Variants in CPLANE1 observed in about 807,000 individuals in gnomAD.
The protein encoded by CPLANE1 is ciliogenesis and planar polarity effector complex subunit 1, also known as ciliogenesis and planar polarity effector 1.
A neutral mutation model predicts 362.5 loss-of-function variants in CPLANE1; 263 were observed. The ratio of observed to expected loss-of-function variants is 0.73; its 90% CI spans 0.66 to 0.80. The LOEUF is 0.80. Ranked by LOEUF, CPLANE1 falls within the 30% of genes least tolerant of loss-of-function variation. The pLI is 0.00. For missense variants in CPLANE1, 3,461 were observed against 3,793.4 expected (o/e 0.91, Z 2.30); for synonymous variants, 1,212 against 1,302.6 (o/e 0.93, Z 1.50).
intron 48 of CPLANE1, 87 bp from the exon 49 acceptor site, chr5:37,121,871 G>T: frequency 4.5e-6 from 5 of 1,099,824 alleles, no homozygotes; most frequent in African/African-American, 1.6e-5. Context: ...AGATCACCTA[G>T]CATGTTCTGG....
rs148794044 is a variant in CPLANE1 at position 37,136,069 on chromosome 5, C to T, written c.8792+2651G>A. Reference sequence around the variant, plus strand: ...TCAAAACACAATCATGTCCTTCCAACAGTCCCCCACGGTCTTAACTCATTC... The same window carrying T: ...TCAAAACACAATCATGTCCTTCCAATAGTCCCCCACGGTCTTAACTCATTC... On this transcript the variant is annotated intron_variant, in intron 46 of 52. Coordinates refer to ENST00000651892, the MANE Select transcript of CPLANE1 (RefSeq NM_001384732.1). Among the ~76,000 whole-genome samples, 55 of 152,272 alleles carry T rather than the reference C, an allele frequency of 3.6e-4. No individual in the cohort carries two copies. In the East Asian group the frequency reaches 0.01, roughly 28 times the overall value.
intron 27 of CPLANE1, 57 bp from the exon 28 acceptor site, chr5:37,180,240 C>A: frequency 1.7e-6 from 2 of 1,166,376 alleles, no homozygotes; most frequent in Non-Finnish European, 2.3e-6. Flanking sequence ...AGAGCTAATT[C>A]AGTTTTGGGT....
Position 37,245,526 on chromosome 5 carries a change from GT to G in CPLANE1, c.289del (p.Thr97LeufsTer4). 6.6e-7 allele frequency: 1 copy of G among 1,506,436 alleles called. No individual in the cohort carries two copies. The highest frequency in any genetic ancestry group is 2.2e-5 in the Admixed American group (1 of 45,928). 93.3% of individuals were successfully genotyped at this position (1,506,436 alleles called of 1,614,324 possible). A position where few individuals can be genotyped will look rare whatever the true frequency, so the allele number is the denominator to read the frequency against. ...LWNKDQDCLK[T>X]IPITEKPKEM... ...CTTAGGCTTTTCAGTTATTGGTATAGTTTTCAAACAATCTTGATCTTTGTTC... is the reference window on the plus strand; with the variant it reads ...CTTAGGCTTTTCAGTTATTGGTATAGTTTCAAACAATCTTGATCTTTGTTC... On this transcript the variant is annotated frameshift_variant, in exon 4 of 53. Transcript: ENST00000651892.
chr5:37,243,856 C>CTT lies in CPLANE1; in HGVS notation c.570+517_570+518dup, dbSNP rs372677145. Among the ~76,000 whole-genome samples the CTT allele has an allele frequency of 6.5e-4, 93 of 142,058 alleles. 1 individual carries two copies. Among genetic ancestry groups the CTT allele is most frequent in the African/African-American group, 2.3e-3 (88 of 38,782 alleles). 93.2% of individuals were successfully genotyped at this position (142,058 alleles called of 152,430 possible). ...ACGTGTATATATATTATATATTATA[C>CTT]TTTTTTTTTTTGAGACAGAGTTTCA... On this transcript the variant is annotated intron_variant, in intron 5 of 52. Transcript: ENST00000651892.
rs866272007 is a variant in CPLANE1, at chr5:37,185,012, T to C, written c.4257A>G (p.Leu1419=). The C allele has an allele frequency of 6.2e-7, 1 of 1,614,122 alleles. No homozygotes were observed. The highest frequency in any genetic ancestry group is 1.6e-4 in the Middle Eastern group (1 of 6,062). ...AGCCTATATTTCTCTGCACACGTTT[T>C]AGAGCTTTCACCCTCACTTTCTGGA... ...HSIQKVRVKA[L]KRVQRNIGSF... The change falls in exon 25 of 53, where the codon CTA becomes CTG. Residue 1419 remains leucine, a synonymous_variant. Transcript: ENST00000651892.
In CPLANE1 at chr5:37,162,573, T is replaced by A; in HGVS notation, c.7589-7A>T. On this transcript the variant is annotated splice_polypyrimidine_tract_variant and splice_region_variant and intron_variant, in intron 37 of 52. Transcript: ENST00000651892. ...TTATCATCTTGTAGCATTTCTTAAATATAATAAAACATTGGAAGTAATCAT... is the reference window on the plus strand; with the variant it reads ...TTATCATCTTGTAGCATTTCTTAAAAATAATAAAACATTGGAAGTAATCAT... 3 of 1,586,706 alleles carry A rather than the reference T, an allele frequency of 1.9e-6. No individual in the cohort carries two copies. Among genetic ancestry groups the A allele is most frequent in the Non-Finnish European group, 2.6e-6 (3 of 1,156,488 alleles).
rs201543024 is a variant in CPLANE1, at chr5:37,206,344, G to A, written c.3002C>T (p.Thr1001Ile). Residue 1001 changes from threonine to isoleucine, a missense_variant, in exon 17 of 53, where the codon ACA becomes ATA. By Grantham distance (89) the Thr-to-Ile change is moderately conservative. Coordinates refer to ENST00000651892, the MANE Select transcript of CPLANE1 (RefSeq NM_001384732.1). ...TAGTAATTCAAGTGCATATTCAACT[G>A]TCCACACATTAGAGAGATTCTGATC... Reference protein sequence around the residue: ...VRDQNLSNVWTVEYALELLFI... With the variant: ...VRDQNLSNVWIVEYALELLFI... 1 of 1,551,586 alleles carries A rather than the reference G, an allele frequency of 6.4e-7. No individual in the cohort carries two copies. The highest frequency in any genetic ancestry group is 8.7e-7 in the Non-Finnish European group (1 of 1,146,868).
At chr5:37,243,746 A>G (rs1738492143) in intron 5 of CPLANE1, among the ~76,000 whole-genome samples, 1 of 147,212 alleles carries the variant, frequency 6.8e-6, no homozygotes, top group South Asian at 2.1e-4. Flanking sequence ...AATATATAAT[A>G]TGCATATAAT....
intron 21 of CPLANE1, among the ~76,000 whole-genome samples, chr5:37,192,146 T>C (rs1785717527): frequency 6.6e-6 from 1 of 152,210 alleles, no homozygotes; most frequent in African/African-American, 2.4e-5. Flanking sequence ...TATGTTTATA[T>C]ATACAAATAT....
At chr5:37,187,622 A>T (rs1220172743) in intron 22 of CPLANE1, 50 bp from the exon 23 acceptor site, 1 of 1,575,932 alleles carries the variant, frequency 6.3e-7, no homozygotes, top group Admixed American at 1.8e-5. Context: ...TAGATGGTAG[A>T]CCAGAATGAG....
At chr5:37,154,602 C>T (rs1774534428) in intron 41 of CPLANE1, among the ~76,000 whole-genome samples, 1 of 151,460 alleles carries the variant, frequency 6.6e-6, no homozygotes, top group African/African-American at 2.4e-5. Flanking sequence ...GCCTGGTCTG[C>T]AACACCTTTT....
intron 25 of CPLANE1, 146 bp downstream of exon 25, chr5:37,184,642 A>C (rs1402628845): frequency 1.6e-6 from 1 of 613,256 alleles, no homozygotes; most frequent in Non-Finnish European, 2.8e-6. Context: ...TAATATTCTT[A>C]TGAGTGGAGG....
At chr5:37,222,713 C>T (rs941062834) in intron 14 of CPLANE1, among the ~76,000 whole-genome samples, 2 of 152,016 alleles carry the variant, frequency 1.3e-5, no homozygotes, top group African/African-American at 4.8e-5. Flanking sequence ...GGACAATCCC[C>T]AAGTCAGAGA....
At position 37,186,316 on chromosome 5, in the gene CPLANE1, G is replaced by A. The variant is rs749760656; in HGVS notation, c.4159C>T (p.His1387Tyr). Residue 1387 changes from histidine (H) to tyrosine (Y), a missense_variant, in exon 24 of 53, where the codon CAC becomes TAC. Physicochemically the swap from His to Tyr is moderately conservative, Grantham distance 83. Transcript: ENST00000651892. ...VPLRDKYHSL[H>Y]QRLRHCVVKG... ...ACAACACAGTGTCTGAGTCTCTGGTGAAGAGAGTGATATTTGTCTCTTAAA... is the reference window on the plus strand; with the variant it reads ...ACAACACAGTGTCTGAGTCTCTGGTAAAGAGAGTGATATTTGTCTCTTAAA... 26 of 1,586,438 alleles carry A rather than the reference G, an allele frequency of 1.6e-5. No individual in the cohort carries two copies. The South Asian group carries it at 2.7e-4, about 16-fold the overall frequency.
chr5:37,123,586 G>A (rs753087612), intron 47 of CPLANE1, among the ~76,000 whole-genome samples: 6 of 152,192 alleles, frequency 3.9e-5, no homozygotes, highest in Admixed American at 2.0e-4. Context: ...TGTTGCCCAG[G>A]CAGGAGTGCA....
Position 37,182,900 on chromosome 5 carries a change from C to T in CPLANE1, c.5281G>A (p.Asp1761Asn), listed in dbSNP as rs770320173. The T allele has an allele frequency of 7.5e-6, 12 of 1,607,256 alleles. No individual in the cohort carries two copies. The highest frequency in any genetic ancestry group is 1.0e-5 in the Non-Finnish European group (12 of 1,177,846). The part of the protein sequence containing the change: ...IRWSNRRLLC[D>N]SGITESSSEY... ...GAGGATGACTCAGTTATACCAGAATCACAGAGTAGCCTTCTATTAGACCAC... is the reference window on the plus strand; with the variant it reads ...GAGGATGACTCAGTTATACCAGAATTACAGAGTAGCCTTCTATTAGACCAC... Residue 1761 changes from aspartate to asparagine, a missense_variant, in exon 26 of 53, where the codon GAT becomes AAT. By Grantham distance (23) the Asp-to-Asn change is conservative. Around this residue, in one of 2 missense-constraint regions of CPLANE1, gnomAD observed 3,380 missense variants for 3,666.1 expected, o/e 0.92. Transcript: ENST00000651892.
chr5:37,239,957 C>T, intron 6 of CPLANE1, 88 bp from the exon 7 acceptor site: 1 of 930,702 alleles, frequency 1.1e-6, no homozygotes, highest in Non-Finnish European at 1.5e-6. Context: ...AAGGATCCAT[C>T]CAAATTCCTA....
At position 37,245,480 on chromosome 5, in the gene CPLANE1, G is replaced by T; in HGVS notation, c.336C>A (p.Val112=). The T allele has an allele frequency of 1.4e-6, 2 of 1,434,370 alleles. No homozygotes were observed. Among genetic ancestry groups the T allele is most frequent in the South Asian group, 1.6e-5 (1 of 63,002 alleles). The allele number at this position is 1,434,370 out of a possible 1,614,324, so 88.9% of individuals were successfully genotyped here. Residue 112 remains valine, a splice_region_variant and synonymous_variant, in exon 4 of 53, where the codon GTC becomes GTA. Transcript: ENST00000651892. Reference sequence around the variant, plus strand: ...TTAAACAAATAAAAAAATTCCCACCGACTGTAGCTTTGATCATTTCCTTAG... The same window carrying T: ...TTAAACAAATAAAAAAATTCCCACCTACTGTAGCTTTGATCATTTCCTTAG... ...EKPKEMIKAT[V]ASSLRLYLYV...
At chr5:37,094,810 T>G in the CPLANE1 span, among the ~76,000 whole-genome samples, 2 of 152,184 alleles carry the variant, frequency 1.3e-5, no homozygotes, top group African/African-American at 4.8e-5. Context: ...AACACTTTTA[T>G]GCACATAAAC....
Sources: gnomAD v4.1 joint callset for allele counts (sites outside exome capture counted in the v4.1 genomes callset) on GRCh38, gnomAD v4.1.1 for gene constraint, gnomAD v4.1.1 regional missense constraint, MANE v1.5 for transcripts, NCBI Gene and HGNC (gene_info 2026-07-23, HGNC 2026-07-21) for gene names.